WHRN: variants seen among roughly 807,000 people sequenced by gnomAD.
WHRN encodes whirlin, also known as CASK-interacting protein CIP98.
In WHRN, 41 loss-of-function variants were observed where a neutral mutation model predicts 68.3. The observed-to-expected ratio is 0.60, with a 90% CI of 0.47 to 0.78. The LOEUF (loss-of-function observed/expected upper bound fraction) is 0.78. Ranked by LOEUF, WHRN falls within the 30% of genes least tolerant of loss-of-function variation. The probability of loss-of-function intolerance (pLI) is 0.00; values close to 1 mark genes in which losing one functional copy is unlikely to be tolerated. For missense variants in WHRN, 1,243 were observed against 1,244.7 expected (o/e 1.00, Z 0.02); for synonymous variants, 560 against 561.3 (o/e 1.00, Z 0.03).
chr9:114,481,025 AAAACAAT>A (rs897653378), intron 1 of WHRN, among the ~76,000 whole-genome samples: 1 of 152,134 alleles, frequency 6.6e-6, no homozygotes, highest in African/African-American at 2.4e-5. Flanking sequence ...CAGAGAAAAA[AAAACAAT>A]ATGCCTAAGA....
At chr9:114,426,548 G>T in intron 3 of WHRN, 135 bp from the exon 4 acceptor site, 1 of 1,008,946 alleles carries the variant, frequency 9.9e-7, no homozygotes, top group East Asian at 2.5e-5. Flanking sequence ...AGGATGTGAG[G>T]ATGCCTGAGG....
At chr9:114,489,322 T>A (rs2133278031) in intron 1 of WHRN, among the ~76,000 whole-genome samples, 1 of 152,124 alleles carries the variant, frequency 6.6e-6, no homozygotes, top group South Asian at 2.1e-4. Context: ...AATAAGGAAA[T>A]TTACCTCTCC....
rs1367106255 is a variant in WHRN at position 114,402,093 on chromosome 9, A to G, written c.*661T>C. ...CACGCTGACGTCTAACCTTGTTCAGATTTCTTTATTGAAAAATTAAAGTCA... is the reference window on the plus strand; with the variant it reads ...CACGCTGACGTCTAACCTTGTTCAGGTTTCTTTATTGAAAAATTAAAGTCA... On this transcript the variant is annotated 3_prime_UTR_variant, in exon 12 of 12. Transcript: ENST00000362057. 1 of 154,272 alleles carries G rather than the reference A, an allele frequency of 6.5e-6. No homozygotes were observed. The highest frequency in any genetic ancestry group is 1.9e-4 in the East Asian group (1 of 5,176). 9.6% of individuals were successfully genotyped at this position (154,272 alleles called of 1,614,324 possible).
At position 114,460,552 on chromosome 9, in the gene WHRN, G is replaced by A. The variant is rs1294373089; in HGVS notation, c.963+5715C>T. 1.3e-5 allele frequency among the ~76,000 whole-genome samples: 2 copies of A among 152,184 alleles called. 1 individual carries two copies. The highest frequency in any genetic ancestry group is 4.8e-5 in the African/African-American group (2 of 41,426). ...GGTGGGGTTTGAAGCTGGGGGGCAGGTGCAAAGAAATAAGAGATCCGAAGA... is the reference window on the plus strand; with the variant it reads ...GGTGGGGTTTGAAGCTGGGGGGCAGATGCAAAGAAATAAGAGATCCGAAGA... On this transcript the variant is annotated intron_variant, in intron 3 of 11. Coordinates refer to ENST00000362057, the MANE Select transcript of WHRN (RefSeq NM_015404.4).
intron 3 of WHRN, among the ~76,000 whole-genome samples, chr9:114,436,457 G>A: frequency 6.6e-6 from 1 of 152,148 alleles, no homozygotes; most frequent in East Asian, 1.9e-4. Flanking sequence ...GTTGGGGACG[G>A]GTTGGGGCAG....
intron 3 of WHRN, among the ~76,000 whole-genome samples, chr9:114,446,408 C>G (rs879938412): frequency 6.6e-6 from 1 of 152,024 alleles, no homozygotes; most frequent in Non-Finnish European, 1.5e-5. Flanking sequence ...TAAAAATGTT[C>G]TGAAATTATA....
At chr9:114,415,806 C>T (rs1390815777) in intron 7 of WHRN, among the ~76,000 whole-genome samples, 1 of 152,182 alleles carries the variant, frequency 6.6e-6, no homozygotes, top group Non-Finnish European at 1.5e-5. Context: ...TCTTACCCCG[C>T]TCATGGATGG....
intron 7 of WHRN, among the ~76,000 whole-genome samples, chr9:114,421,213 C>T (rs554841945): frequency 9.8e-5 from 15 of 152,338 alleles, no homozygotes; most frequent in Non-Finnish European, 1.5e-4. Flanking sequence ...GAGAGCCCCT[C>T]TGGCAGAGCA....
intron 7 of WHRN, among the ~76,000 whole-genome samples, chr9:114,410,226 A>C (rs1396303694): frequency 6.6e-6 from 1 of 152,090 alleles, no homozygotes; most frequent in Non-Finnish European, 1.5e-5. Context: ...TCACCATCTG[A>C]CTTTATACTC....
chr9:114,493,371 A>AG (rs1265676008), intron 1 of WHRN, among the ~76,000 whole-genome samples: 74 of 6,492 alleles, frequency 0.011, no homozygotes, highest in East Asian at 0.032. Flanking sequence ...AAAAAAAAAA[A>AG]GTGGGGGTGG....
chr9:114,406,565 G>A lies in WHRN; in HGVS notation c.2026C>T (p.Pro676Ser), dbSNP rs746769274. Reference protein sequence around the residue: ...DAHLALVNQHPIGPFPRVQSP... With the variant: ...DAHLALVNQHSIGPFPRVQSP... The stretch of plus-strand genomic sequence containing the variant: ...TGGACCCGTGGGAAGGGGCCGATGG[G>A]GTGTTGGTTGACCAGGGCCAGATGG... The change falls in exon 9 of 12, where the codon CCC (proline) becomes TCC (serine). Residue 676 changes from proline to serine, a missense_variant. Pro to Ser is a moderately conservative substitution (Grantham distance 74, BLOSUM62 -1). Coordinates refer to ENST00000362057, the MANE Select transcript of WHRN (RefSeq NM_015404.4). 1 of 1,611,862 alleles carries A rather than the reference G, an allele frequency of 6.2e-7. No individual in the cohort carries two copies. The highest frequency in any genetic ancestry group is 2.2e-5 in the East Asian group (1 of 44,840).
intron 9 of WHRN, among the ~76,000 whole-genome samples, chr9:114,405,708 T>G (rs1026538421): frequency 1.3e-5 from 2 of 152,234 alleles, no homozygotes; most frequent in African/African-American, 4.8e-5. Context: ...GTGCAGGCGC[T>G]CAGGGAATGT....
At chr9:114,430,997 G>A (rs931997566) in intron 3 of WHRN, among the ~76,000 whole-genome samples, 6 of 152,108 alleles carry the variant, frequency 3.9e-5, no homozygotes, top group African/African-American at 1.4e-4. Flanking sequence ...AGCTTCCCCA[G>A]GTCTAGGAGC....
In WHRN at chr9:114,402,614, G is replaced by T; in HGVS notation, c.*140C>A. 9.4e-7 allele frequency: 1 copy of T among 1,067,234 alleles called. No individual in the cohort carries two copies. The highest frequency in any genetic ancestry group is 1.4e-6 in the Non-Finnish European group (1 of 700,564). 66.1% of individuals were successfully genotyped at this position (1,067,234 alleles called of 1,614,324 possible). A position where few individuals can be genotyped will look rare whatever the true frequency, so the allele number is the denominator to read the frequency against. On this transcript the variant is annotated 3_prime_UTR_variant, in exon 12 of 12. Transcript: ENST00000362057. ...CTTCCTCTCCCAGTTCTGGTCCAGTGGGCTGGGATGGAGGGGGGATGTCTT... is the reference window on the plus strand; with the variant it reads ...CTTCCTCTCCCAGTTCTGGTCCAGTTGGCTGGGATGGAGGGGGGATGTCTT...
At chr9:114,411,052 T>C (rs1564120915) in intron 7 of WHRN, among the ~76,000 whole-genome samples, 1 of 152,214 alleles carries the variant, frequency 6.6e-6, no homozygotes, top group South Asian at 2.1e-4. Flanking sequence ...GCACTCAGAA[T>C]AGGGCCTGGC....
intron 2 of WHRN, among the ~76,000 whole-genome samples, chr9:114,477,624 CGT>C (rs1336739948): frequency 6.6e-5 from 10 of 152,136 alleles, no homozygotes; most frequent in Admixed American, 6.5e-5. Context: ...CCTGCCAGCC[CGT>C]GAGGTGCTCC....
chr9:114,408,719 G>C (rs1349848779), intron 7 of WHRN, among the ~76,000 whole-genome samples: 1 of 152,254 alleles, frequency 6.6e-6, no homozygotes, highest in Non-Finnish European at 1.5e-5. Flanking sequence ...GTGATGATTA[G>C]CTTCGCGTGT....
intron 3 of WHRN, among the ~76,000 whole-genome samples, chr9:114,429,150 C>G (rs1459746547): frequency 6.6e-6 from 1 of 152,194 alleles, no homozygotes; most frequent in Non-Finnish European, 1.5e-5. Flanking sequence ...AGACTGGTCT[C>G]AAACTCCTGA....
At chr9:114,424,267 C>G (rs1388362471) in intron 6 of WHRN, 67 bp downstream of exon 6, 2 of 1,567,916 alleles carry the variant, frequency 1.3e-6, no homozygotes, top group African/African-American at 2.7e-5. Context: ...AGCAAAGGAG[C>G]GGGGGCAGGG....
Sources: allele counts gnomAD v4.1 joint callset (sites outside exome capture counted in the v4.1 genomes callset), GRCh38; gene constraint gnomAD v4.1.1; transcripts MANE v1.5; gene names NCBI Gene and HGNC (gene_info 2026-07-23, HGNC 2026-07-21).